The following MAGI3 variants were observed in gnomAD, a reference collection of about 807,000 sequenced individuals.
MAGI3 encodes membrane associated guanylate kinase, WW and PDZ domain containing 3, also known as membrane-associated guanylate kinase, WW and PDZ domain-containing protein 3.
Under a neutral mutation model 121.8 loss-of-function variants are expected in MAGI3, and 43 were observed. The ratio of observed to expected loss-of-function variants is 0.35; its 90% CI spans 0.28 to 0.46. The LOEUF (loss-of-function observed/expected upper bound fraction) is 0.46. Ranked by LOEUF, MAGI3 falls within the 20% of genes least tolerant of loss-of-function variation. The pLI is 1.00. For synonymous variants in MAGI3, 553 were observed against 639.3 expected, an observed-to-expected ratio of 0.86 and a Z score of 2.04; for missense variants, 1,547 against 1,797.3, an observed-to-expected ratio of 0.86 and a Z score of 2.52.
At chr1:113,406,197 T>C (rs1045484703) in intron 1 of MAGI3, among the ~76,000 whole-genome samples, 1 of 150,764 alleles carries the variant, frequency 6.6e-6, no homozygotes, top group African/African-American at 2.4e-5. Flanking sequence ...CCCAGCACTT[T>C]GGGAGACTGA....
chr1:113,472,889 CA>C (rs1655610072), intron 1 of MAGI3, among the ~76,000 whole-genome samples: 2 of 152,172 alleles, frequency 1.3e-5, no homozygotes, highest in African/African-American at 4.8e-5. Context: ...TAATTGATGT[CA>C]CAGTTTACAT....
At chr1:113,589,888 C>G (rs1648590284) in intron 4 of MAGI3, among the ~76,000 whole-genome samples, 1 of 152,008 alleles carries the variant, frequency 6.6e-6, no homozygotes, top group Non-Finnish European at 1.5e-5. Flanking sequence ...TATTTAACAA[C>G]AGGAACTCTA....
chr1:113,655,407 A>G (rs1023868470), intron 15 of MAGI3, among the ~76,000 whole-genome samples: 1 of 152,084 alleles, frequency 6.6e-6, no homozygotes, highest in Non-Finnish European at 1.5e-5. Context: ...AAACTAAGCT[A>G]TATAGAGGAA....
chr1:113,682,182 A>C, intron 20 of MAGI3: 2 of 1,519,920 alleles, frequency 1.3e-6, no homozygotes, highest in South Asian at 1.3e-5. Flanking sequence ...TTTTTCACAT[A>C]GTCCTAGGCT....
chr1:113,613,721 A>G (rs1041364308), intron 6 of MAGI3, among the ~76,000 whole-genome samples: 1 of 152,188 alleles, frequency 6.6e-6, no homozygotes, highest in African/African-American at 2.4e-5. Context: ...CTCAACTGCT[A>G]TATAAAATGG....
intron 1 of MAGI3, among the ~76,000 whole-genome samples, chr1:113,512,412 G>T (rs959519808): frequency 1.4e-4 from 21 of 152,118 alleles, no homozygotes; most frequent in African/African-American, 5.1e-4. Context: ...AAATTAGAGG[G>T]AGAACTAGTC....
chr1:113,681,199 T>C lies in MAGI3; in HGVS notation c.3191T>C (p.Val1064Ala), dbSNP rs1159955975. Reference sequence around the variant, plus strand: ...TTCCTGTGAATGTTCTCTGTCTAGGTTGGTGACCAGATTGTTGAAATCAAT... The same window carrying C: ...TTCCTGTGAATGTTCTCTGTCTAGGCTGGTGACCAGATTGTTGAAATCAAT... ...GPAIKDGRIH[V>A]GDQIVEINGE... The change falls in exon 20 of 21, where the codon GTT (valine) becomes GCT (alanine). Residue 1064 changes from valine to alanine, a missense_variant and splice_region_variant. Coordinates refer to ENST00000307546, the MANE Select transcript of MAGI3 (RefSeq NM_001142782.2). The C allele has an allele frequency of 1.9e-6, 3 of 1,613,418 alleles. No homozygotes were observed. The highest frequency in any genetic ancestry group is 1.7e-5 in the Admixed American group (1 of 59,844).
chr1:113,594,901 C>T (rs1169020356), intron 6 of MAGI3, among the ~76,000 whole-genome samples: 1 of 152,140 alleles, frequency 6.6e-6, no homozygotes, highest in Non-Finnish European at 1.5e-5. Context: ...TAAGCTAGGT[C>T]TATCATGTCT....
In MAGI3 at chr1:113,683,692, C is replaced by G; in HGVS notation, c.4124C>G (p.Thr1375Arg). ...CCATCCAAAATGACTAATAAGACTA[C>G]AAGTAAAGAAGTATCTGAAAATGAA... ...SLPSKMTNKT[T>R]SKEVSENEKG... is the part of the protein sequence containing the mutation. Residue 1375 changes from threonine (T) to arginine (R), a missense_variant, in exon 21 of 21, where the codon ACA becomes AGA. Physicochemically the swap from Thr to Arg is moderately conservative, Grantham distance 71. Transcript: ENST00000307546. 1 of 1,602,362 alleles carries G rather than the reference C, an allele frequency of 6.2e-7. No homozygotes were observed. Among genetic ancestry groups the G allele is most frequent in the Non-Finnish European group, 8.5e-7 (1 of 1,174,408 alleles).
At chr1:113,639,207 C>T (rs954544761) in intron 9 of MAGI3, among the ~76,000 whole-genome samples, 1 of 152,254 alleles carries the variant, frequency 6.6e-6, no homozygotes, top group African/African-American at 2.4e-5. Context: ...ATGCCTCGCC[C>T]TGCTTCAGCT....
chr1:113,483,445 T>C (rs944390326), intron 1 of MAGI3, among the ~76,000 whole-genome samples: 1 of 152,132 alleles, frequency 6.6e-6, no homozygotes, highest in Non-Finnish European at 1.5e-5. Flanking sequence ...TTGATTTCTC[T>C]CTCTGTCCTC....
intron 9 of MAGI3, 39 bp downstream of exon 9, chr1:113,623,033 C>A: frequency 6.7e-6 from 9 of 1,340,386 alleles, no homozygotes; most frequent in South Asian, 1.9e-5. Context: ...AGTAGTGATA[C>A]TATAACAAAA....
intron 2 of MAGI3, among the ~76,000 whole-genome samples, chr1:113,579,888 C>T (rs879114298): frequency 6.6e-6 from 1 of 151,678 alleles, no homozygotes; most frequent in Non-Finnish European, 1.5e-5. Context: ...AACCAATTCC[C>T]AGTGAAAATC....
intron 1 of MAGI3, among the ~76,000 whole-genome samples, chr1:113,504,274 A>G (rs1657200198): frequency 6.6e-6 from 1 of 152,150 alleles, no homozygotes; most frequent in South Asian, 2.1e-4. Flanking sequence ...TAAAATTAAT[A>G]GTCCAAATAA....
At chr1:113,430,343 G>T (rs1005869053) in intron 1 of MAGI3, among the ~76,000 whole-genome samples, 2 of 152,182 alleles carry the variant, frequency 1.3e-5, no homozygotes, top group South Asian at 2.1e-4. Context: ...ATACTTAACA[G>T]AACTCATTGA....
At chr1:113,459,260 T>C (rs777933623) in intron 1 of MAGI3, among the ~76,000 whole-genome samples, 14 of 152,250 alleles carry the variant, frequency 9.2e-5, no homozygotes, top group Non-Finnish European at 2.1e-4. Context: ...ATGAGAATGA[T>C]CGATTTAATG....
intron 1 of MAGI3, among the ~76,000 whole-genome samples, chr1:113,546,916 A>C (rs1055367971): frequency 4.0e-5 from 6 of 151,672 alleles, no homozygotes; most frequent in Non-Finnish European, 7.4e-5. Flanking sequence ...CCCCGTCTCT[A>C]CTAAAAAACA....
At chr1:113,638,668 T>G (rs1020994429) in intron 9 of MAGI3, among the ~76,000 whole-genome samples, 10 of 152,220 alleles carry the variant, frequency 6.6e-5, no homozygotes, top group Admixed American at 4.6e-4. Flanking sequence ...GTTAGGCTGC[T>G]CAGGGGTCAG....
In MAGI3 at chr1:113,671,747, A is replaced by G; in HGVS notation, c.2829A>G (p.Pro943=). The G allele has an allele frequency of 6.2e-7, 1 of 1,614,234 alleles. No homozygotes were observed. The highest frequency in any genetic ancestry group is 8.5e-7 in the Non-Finnish European group (1 of 1,180,022). Reference sequence around the variant, plus strand: ...TCATTTGAACAGAGCATCATGGTCCACCATCAGGAACAAACTCAGCCAGGC... The same window carrying G: ...TCATTTGAACAGAGCATCATGGTCCGCCATCAGGAACAAACTCAGCCAGGC... The part of the protein sequence containing the change: ...TVIAEEEHHG[P]PSGTNSARQS... The change falls in exon 17 of 21, where the codon CCA becomes CCG. Residue 943 remains proline, a synonymous_variant. Coordinates refer to ENST00000307546, the MANE Select transcript of MAGI3 (RefSeq NM_001142782.2).
Sources: gnomAD v4.1 joint callset for allele counts (sites outside exome capture counted in the v4.1 genomes callset) on GRCh38, gnomAD v4.1.1 for gene constraint, MANE v1.5 for transcripts, NCBI Gene and HGNC (gene_info 2026-07-23, HGNC 2026-07-21) for gene names.